LRRK1: variants seen among roughly 807,000 people sequenced by gnomAD.
The protein encoded by LRRK1 is leucine-rich repeat serine/threonine-protein kinase 1.
In LRRK1, 113 loss-of-function variants were observed where a neutral mutation model predicts 209.1. The observed-to-expected ratio is 0.54, with a 90% confidence interval of 0.46 to 0.63. The LOEUF is 0.63. LRRK1 is among the 30% of genes least tolerant of loss of function. LRRK1 has a pLI of 0.00. For synonymous variants in LRRK1, 1,144 were observed against 1,099.7 expected (o/e 1.04, Z -0.80); for missense variants, 2,284 against 2,632.2 (o/e 0.87, Z 2.89).
At chr15:101,026,265 C>G (rs1195055098) in intron 17 of LRRK1, 128 bp downstream of exon 17, 6 of 914,870 alleles carry the variant, frequency 6.6e-6, no homozygotes, top group Middle Eastern at 6.4e-4. Context: ...CAAGGGTGGC[C>G]ATCCACAGAG....
rs997885229 is a variant in LRRK1 at position 101,022,139 on chromosome 15, G to A, written c.1852+182G>A. Among the ~76,000 whole-genome samples, 2 of 152,180 alleles carry A rather than the reference G, an allele frequency of 1.3e-5. No homozygotes were observed. The highest frequency in any genetic ancestry group is 2.9e-5 in the Non-Finnish European group (2 of 68,040). On this transcript the variant is annotated intron_variant, in intron 14 of 33. Coordinates refer to ENST00000388948, the MANE Select transcript of LRRK1 (RefSeq NM_024652.6). This position sits in a 1 kb window ranked among gnomAD's most constrained non-coding sequence, Gnocchi z 4.0. Reference sequence around the variant, plus strand: ...TCGTTACTGAGGGTCACTATACTGAGAAGGACCAGGTGATACAACTGTGAC... The same window carrying A: ...TCGTTACTGAGGGTCACTATACTGAAAAGGACCAGGTGATACAACTGTGAC...
chr15:101,028,349 A>C (rs8030515), intron 19 of LRRK1, among the ~76,000 whole-genome samples: 2 of 152,258 alleles, frequency 1.3e-5, no homozygotes, highest in Admixed American at 6.5e-5. Context: ...TTGCTCATTC[A>C]TGAACAAAGC....
intron 20 of LRRK1, among the ~76,000 whole-genome samples, chr15:101,044,733 C>A (rs12594665): frequency 0.99 from 150,719 of 152,386 alleles, 74,560 homozygotes; most frequent in East Asian, 1. Flanking sequence ...AAGAGCAAGA[C>A]AGACATGGGG....
rs142131713 is a variant in LRRK1, at chr15:101,007,632, A to ATT, written c.763-1205_763-1204insTT. On this transcript the variant is annotated intron_variant, in intron 6 of 33. Coordinates refer to ENST00000388948, the MANE Select transcript of LRRK1 (RefSeq NM_024652.6). ...AGGAGCGGGAGCTTTCTAGTGGGAC[A>ATT]AAGGGAAGGCCTCCGGGGCCTCCTG... Among the ~76,000 whole-genome samples the ATT allele has an allele frequency of 9.9e-3, 1,501 of 152,344 alleles. 30 individuals are homozygous for ATT. Among genetic ancestry groups the ATT allele is most frequent in the African/African-American group, 0.035 (1,438 of 41,584 alleles).
At chr15:101,018,344 A>C (rs139323487) in intron 12 of LRRK1, among the ~76,000 whole-genome samples, 2,933 of 152,338 alleles carry the variant, frequency 0.019, 50 homozygotes, top group Non-Finnish European at 0.03. Context: ...CCTTTTATAA[A>C]TGAAGAGCCT....
At position 100,961,646 on chromosome 15, in the gene LRRK1, C is replaced by T. The variant is rs561532620; in HGVS notation, c.98-12158C>T. 1.6e-3 allele frequency among the ~76,000 whole-genome samples: 60 copies of T among 36,898 alleles called. No individual in the cohort carries two copies. In the South Asian group the frequency reaches 0.034, roughly 21 times the overall value. 24.2% of individuals were successfully genotyped at this position (36,898 alleles called of 152,430 possible). ...CCAGCCTAGCAACAGAGTGAGACTC[C>T]GTCAAAAAAAAAAAAAAAAACCATA... On this transcript the variant is annotated intron_variant, in intron 2 of 33. Transcript: ENST00000388948.
chr15:100,941,837 G>A (rs1384928626), intron 2 of LRRK1, among the ~76,000 whole-genome samples: 7 of 152,068 alleles, frequency 4.6e-5, no homozygotes, highest in African/African-American at 1.7e-4. Flanking sequence ...TCAGTCCCAG[G>A]CTGCCTGGCA....
intron 32 of LRRK1, 108 bp from the exon 33 acceptor site, chr15:101,066,532 A>T: frequency 1.0e-6 from 1 of 993,566 alleles, no homozygotes; most frequent in Non-Finnish European, 1.6e-6. Context: ...CTTAGCAGAA[A>T]CTGCATGTCT....
chr15:100,969,935 C>G (rs112949883), intron 2 of LRRK1, among the ~76,000 whole-genome samples: 1 of 151,378 alleles, frequency 6.6e-6, no homozygotes, highest in Admixed American at 6.6e-5. Flanking sequence ...GTTGACTAGG[C>G]TGAAGTGCAG....
Position 100,966,810 on chromosome 15 carries a change from T to C in LRRK1, c.98-6994T>C, listed in dbSNP as rs1055735745. Among the ~76,000 whole-genome samples the C allele has an allele frequency of 2.6e-5, 4 of 152,182 alleles. No individual in the cohort carries two copies. In the East Asian group the frequency reaches 7.7e-4, roughly 29 times the overall value. On this transcript the variant is annotated intron_variant, in intron 2 of 33. Transcript: ENST00000388948. ...AAACTGAGCAGGTTCTAGATTCTTATTACATCATTTACTCCACACACAAGG... is the reference window on the plus strand; with the variant it reads ...AAACTGAGCAGGTTCTAGATTCTTACTACATCATTTACTCCACACACAAGG...
chr15:100,996,427 G>A (rs775256172), intron 6 of LRRK1, among the ~76,000 whole-genome samples: 15 of 152,340 alleles, frequency 9.8e-5, no homozygotes, highest in Non-Finnish European at 1.9e-4. Flanking sequence ...GTGAACAGAA[G>A]AGGAGGCCCT....
intron 6 of LRRK1, among the ~76,000 whole-genome samples, chr15:101,007,426 C>T (rs11247251): frequency 0.12 from 17,678 of 152,250 alleles, 1,183 homozygotes; most frequent in African/African-American, 0.18. Flanking sequence ...CCATATATTT[C>T]GCCAGGTCCC....
intron 2 of LRRK1, among the ~76,000 whole-genome samples, chr15:100,954,851 G>A (rs1409951591): frequency 1.3e-5 from 2 of 152,092 alleles, no homozygotes; most frequent in East Asian, 1.9e-4. Flanking sequence ...ACTGGCCTAT[G>A]TGTCTATTTT....
chr15:101,044,191 C>T, intron 20 of LRRK1: 1 of 152,456 alleles, frequency 6.6e-6, no homozygotes, highest in Non-Finnish European at 1.5e-5. Flanking sequence ...TTCCCACCTG[C>T]AGTGAACCCC....
chr15:101,026,236 G>T, intron 17 of LRRK1, 99 bp downstream of exon 17: 3 of 1,262,398 alleles, frequency 2.4e-6, no homozygotes, highest in Non-Finnish European at 3.3e-6. Context: ...TCTGGGTGGG[G>T]CTAGGCCCCT....
At chr15:100,949,213 A>G (rs2042598673) in intron 2 of LRRK1, among the ~76,000 whole-genome samples, 1 of 152,128 alleles carries the variant, frequency 6.6e-6, no homozygotes. Context: ...GCAACCTTAT[A>G]GAAATAAAAA....
chr15:100,993,999 T>C (rs1347377096), intron 6 of LRRK1, among the ~76,000 whole-genome samples: 22 of 152,178 alleles, frequency 1.4e-4, no homozygotes, highest in Admixed American at 1.3e-3. Flanking sequence ...ACATAATAAG[T>C]GCTCAATAAA....
chr15:100,974,026 C>A (rs981523280), intron 3 of LRRK1, 59 bp downstream of exon 3: 41 of 1,208,982 alleles, frequency 3.4e-5, no homozygotes, highest in Non-Finnish European at 4.2e-5. Context: ...CGAAGGGGAC[C>A]GCTCAGATGA....
intron 15 of LRRK1, among the ~76,000 whole-genome samples, chr15:101,023,024 C>T (rs1171698178): frequency 6.6e-6 from 1 of 152,122 alleles, no homozygotes; most frequent in African/African-American, 2.4e-5. Flanking sequence ...CCTCACTGCT[C>T]TCTGACCCCA....
Sources: gnomAD v4.1 joint callset for allele counts (sites outside exome capture counted in the v4.1 genomes callset) on GRCh38, gnomAD v4.1.1 for gene constraint, Gnocchi (gnomAD v3.1) non-coding constraint, MANE v1.5 for transcripts, NCBI Gene and HGNC (gene_info 2026-07-23, HGNC 2026-07-21) for gene names.